Variants in BCL2 observed in about 807,000 individuals in gnomAD.
The protein encoded by BCL2 is apoptosis regulator Bcl-2.
A neutral mutation model predicts 14.2 loss-of-function variants in BCL2; 1 was observed. That is an observed-to-expected ratio of 0.07 (90% CI 0.02 to 0.33). BCL2 has a LOEUF of 0.33. BCL2 is among the 10% of genes least tolerant of loss of function. The pLI, the probability that BCL2 is intolerant of heterozygous loss-of-function variation, is 0.99. For synonymous variants in BCL2, 151 were observed against 137.2 expected, an observed-to-expected ratio of 1.10 and a Z score of -0.70; for missense variants, 247 against 305.9, an observed-to-expected ratio of 0.81 and a Z score of 1.44.
At chr18:63,271,308 C>T (rs1212912861) in intron 2 of BCL2, among the ~76,000 whole-genome samples, 1 of 152,052 alleles carries the variant, frequency 6.6e-6, no homozygotes, top group Non-Finnish European at 1.5e-5. Flanking sequence ...ATTAAAGGGA[C>T]ATAAATCATC....
At chr18:63,134,135 T>C (rs1487292743) in intron 2 of BCL2, among the ~76,000 whole-genome samples, 3 of 152,200 alleles carry the variant, frequency 2.0e-5, no homozygotes, top group Non-Finnish European at 4.4e-5. Context: ...GTGATTATCG[T>C]TGAAGGCAGA....
intron 2 of BCL2, among the ~76,000 whole-genome samples, chr18:63,244,557 T>TA (rs893133776): frequency 6.6e-6 from 1 of 151,250 alleles, no homozygotes; most frequent in Non-Finnish European, 1.5e-5. Context: ...AGACTGTCTT[T>TA]AAAAAAAAAG....
At chr18:63,200,413 C>T (rs1411069374) in intron 2 of BCL2, among the ~76,000 whole-genome samples, 1 of 152,226 alleles carries the variant, frequency 6.6e-6, no homozygotes, top group Non-Finnish European at 1.5e-5. Flanking sequence ...AGGGGCAATA[C>T]ATCTGACCCC....
chr18:63,169,309 TTCCTTCCTTCCTTCTTTCCTTTCC>T (rs1915143437), intron 2 of BCL2, among the ~76,000 whole-genome samples: 1 of 50,126 alleles, frequency 2.0e-5, no homozygotes, highest in Admixed American at 2.1e-4. Flanking sequence ...TCTTTCTTTC[TTCCTTCCTTCCTTCTTTCCTTTCC>T]TTCCTTTCTT....
rs2144579860 is a variant in BCL2 at position 63,124,176 on chromosome 18, A to C, written c.*4449T>G. On this transcript the variant is annotated 3_prime_UTR_variant, in exon 3 of 3. Transcript: ENST00000333681. ...CAGAATGATTCACTGGGTAAGACTA[A>C]AGGACTTGTATTATCACTCTCCAAT... 1 of 222,578 alleles carries C rather than the reference A, an allele frequency of 4.5e-6. No individual in the cohort carries two copies. The highest frequency in any genetic ancestry group is 1.4e-3 in the Middle Eastern group (1 of 740). The allele number at this position is 222,578 out of a possible 1,614,324, so 13.8% of individuals were successfully genotyped here.
intron 2 of BCL2, among the ~76,000 whole-genome samples, chr18:63,139,396 C>T (rs562130821): frequency 5.3e-5 from 8 of 152,228 alleles, no homozygotes; most frequent in African/African-American, 1.2e-4. Flanking sequence ...TCATCTTCAG[C>T]GGGCTTATTC....
chr18:63,191,433 C>T (rs1269315616), intron 2 of BCL2, among the ~76,000 whole-genome samples: 1 of 152,196 alleles, frequency 6.6e-6, no homozygotes, highest in Admixed American at 6.5e-5. Context: ...CTTCTAAGGA[C>T]AGACCCATCT....
At position 63,157,006 on chromosome 18, in the gene BCL2, T is replaced by G. The variant is rs567741532; in HGVS notation, c.586-28247A>C. 5.1e-4 allele frequency among the ~76,000 whole-genome samples: 78 copies of G among 152,334 alleles called. No homozygotes were observed. In the South Asian group the frequency reaches 0.012, roughly 23 times the overall value. Reference sequence around the variant, plus strand: ...TGTGAACATGAATCTGGGGCCACCCTTTTTCAAATTTCAACAGCAAGTCCT... The same window carrying G: ...TGTGAACATGAATCTGGGGCCACCCGTTTTCAAATTTCAACAGCAAGTCCT... On this transcript the variant is annotated intron_variant, in intron 2 of 2. Coordinates refer to ENST00000333681, the MANE Select transcript of BCL2 (RefSeq NM_000633.3).
chr18:63,198,716 C>CACAAAG (rs1909550761), intron 2 of BCL2, among the ~76,000 whole-genome samples: 1 of 136,252 alleles, frequency 7.3e-6, no homozygotes, highest in African/African-American at 2.8e-5. Flanking sequence ...CAGAGACACA[C>CACAAAG]ACACACAGAC....
chr18:63,227,826 A>G (rs1910589425), intron 2 of BCL2, among the ~76,000 whole-genome samples: 2 of 152,232 alleles, frequency 1.3e-5, no homozygotes, highest in South Asian at 4.1e-4. Context: ...GATTAACATA[A>G]AGGAAGAGAA....
At chr18:63,196,725 T>C (rs1909456863) in intron 2 of BCL2, among the ~76,000 whole-genome samples, 1 of 152,198 alleles carries the variant, frequency 6.6e-6, no homozygotes. Context: ...TATACAATTT[T>C]TGTTTGTCAA....
At chr18:63,291,738 T>TC (rs965714688) in intron 2 of BCL2, among the ~76,000 whole-genome samples, 3 of 151,940 alleles carry the variant, frequency 2.0e-5, no homozygotes, top group African/African-American at 4.8e-5. Context: ...TTTTTTTTTT[T>TC]TCTCAATAAA....
chr18:63,148,989 C>T (rs913074252), intron 2 of BCL2, among the ~76,000 whole-genome samples: 1 of 152,206 alleles, frequency 6.6e-6, no homozygotes, highest in Non-Finnish European at 1.5e-5. Flanking sequence ...AATCACGCGG[C>T]CTCCCTAAAT....
intron 2 of BCL2, among the ~76,000 whole-genome samples, chr18:63,146,480 G>T (rs1167284147): frequency 6.6e-6 from 1 of 152,240 alleles, no homozygotes; most frequent in African/African-American, 2.4e-5. Context: ...TGCGATCCAC[G>T]CTGGAGTCAG....
chr18:63,218,741 CT>C (rs145912558), intron 2 of BCL2, among the ~76,000 whole-genome samples: 15 of 226 alleles, frequency 0.066, no homozygotes, highest in East Asian at 0.12. Context: ...CTCCACTCAT[CT>C]CCATCCTCCA....
chr18:63,192,182 G>A (rs939945452), intron 2 of BCL2, among the ~76,000 whole-genome samples: 1 of 152,236 alleles, frequency 6.6e-6, no homozygotes, highest in Admixed American at 6.5e-5. Flanking sequence ...TTCCAGGGGA[G>A]CCTCTCAAAG....
chr18:63,256,240 C>A (rs542430556), intron 2 of BCL2, among the ~76,000 whole-genome samples: 1 of 152,166 alleles, frequency 6.6e-6, no homozygotes, highest in African/African-American at 2.4e-5. Context: ...TATTTGAGAC[C>A]GAGTCTCGCT....
chr18:63,236,782 A>C (rs1026298611), intron 2 of BCL2, among the ~76,000 whole-genome samples: 1 of 152,252 alleles, frequency 6.6e-6, no homozygotes, highest in African/African-American at 2.4e-5. Flanking sequence ...CACCCTATCT[A>C]AATTAAGAAC....
intron 2 of BCL2, among the ~76,000 whole-genome samples, chr18:63,212,593 T>C (rs896580461): frequency 3.3e-5 from 5 of 149,918 alleles, no homozygotes; most frequent in African/African-American, 4.9e-5. Context: ...AGTTGCTACC[T>C]TGGCCGGGTG....
Sources: gnomAD v4.1 joint callset for allele counts (sites outside exome capture counted in the v4.1 genomes callset) on GRCh38, gnomAD v4.1.1 for gene constraint, MANE v1.5 for transcripts, NCBI Gene and HGNC (gene_info 2026-07-23, HGNC 2026-07-21) for gene names.